The following NDUFS2 variants were observed in gnomAD, a reference collection of about 807,000 sequenced individuals.
The protein encoded by NDUFS2 is NADH dehydrogenase [ubiquinone] iron-sulfur protein 2, mitochondrial.
A neutral mutation model predicts 69.6 loss-of-function variants in NDUFS2; 38 were observed. That is an observed-to-expected ratio of 0.55 (90% CI 0.42 to 0.72). NDUFS2 has a LOEUF of 0.72. NDUFS2 is among the 30% of genes least tolerant of loss of function. NDUFS2 has a pLI of 0.00. For synonymous variants in NDUFS2, 194 were observed against 211.2 expected (o/e 0.92, Z 0.70); for missense variants, 468 against 595.0 (o/e 0.79, Z 2.22).
upstream of NDUFS2, among the ~76,000 whole-genome samples, chr1:161,201,686 C>A (rs563239287): frequency 6.6e-5 from 10 of 152,270 alleles, no homozygotes; most frequent in Middle Eastern, 3.4e-3. Context: ...GTTCGGGAAG[C>A]CTGGAGGATG....
intron 5 of NDUFS2, 70 bp from the exon 6 acceptor site, chr1:161,209,786 TG>T: frequency 6.5e-7 from 1 of 1,528,534 alleles, no homozygotes; most frequent in Non-Finnish European, 9.0e-7. Context: ...AGGCAGAAAG[TG>T]GGGGAGTAGG....
intron 11 of NDUFS2, 33 bp downstream of exon 11, chr1:161,213,508 G>A (rs1665886224): frequency 5.8e-6 from 9 of 1,564,226 alleles, no homozygotes; most frequent in Non-Finnish European, 7.9e-6. Flanking sequence ...AAGACCATAT[G>A]TAGAGTAGGT....
chr1:161,204,675 CCAAA>C (rs1245258865), intron 2 of NDUFS2, among the ~76,000 whole-genome samples: 1 of 152,176 alleles, frequency 6.6e-6, no homozygotes, highest in Non-Finnish European at 1.5e-5. Context: ...TTACCATTTG[CCAAA>C]CATTTTCGTA....
At position 161,203,561 on chromosome 1, in the gene NDUFS2, C is replaced by G. The variant is rs1571602754; in HGVS notation, c.202+18C>G. 1 of 1,590,348 alleles carries G rather than the reference C, an allele frequency of 6.3e-7. No individual in the cohort carries two copies. The highest frequency in any genetic ancestry group is 2.2e-5 in the East Asian group (1 of 44,748). On this transcript the variant is annotated intron_variant, in intron 2 of 13. Transcript: ENST00000676972. ...TTGGAATGGTGAGTGACCAGAGTTG[C>G]TGTCCCAACCCACACCCATCCCTGC...
rs1448009501 is a variant in NDUFS2 at position 161,213,941 on chromosome 1, G to A, written c.1354+20G>A. The A allele has an allele frequency of 6.2e-7, 1 of 1,614,204 alleles. No homozygotes were observed. The highest frequency in any genetic ancestry group is 1.3e-5 in the African/African-American group (1 of 75,040). Reference sequence around the variant, plus strand: ...TCATAGGTACGAGGCCTATTGTGTAGTAGAGGTATCCTAGACAAAGGAGTT... The same window carrying A: ...TCATAGGTACGAGGCCTATTGTGTAATAGAGGTATCCTAGACAAAGGAGTT... On this transcript the variant is annotated intron_variant, in intron 13 of 13. Coordinates refer to ENST00000676972, the MANE Select transcript of NDUFS2 (RefSeq NM_001377299.1).
chr1:161,198,070 A>G, upstream of NDUFS2: 1 of 1,610,794 alleles, frequency 6.2e-7, no homozygotes, highest in Non-Finnish European at 8.5e-7. The surrounding 1 kb of genome is among the most constrained non-coding windows in gnomAD (Gnocchi z 4.7). Context: ...GACCGCTGGC[A>G]GGACTCTTCC....
In NDUFS2 at chr1:161,207,755, A is replaced by C. The variant is rs74627349; in HGVS notation, c.393+1158A>C. ...AAAAAAAAAAAGATTAAAAAAAAAA[A>C]CCCTCCCAGATACTCTTAAGACTGA... On this transcript the variant is annotated intron_variant, in intron 3 of 13. Coordinates refer to ENST00000676972, the MANE Select transcript of NDUFS2 (RefSeq NM_001377299.1). Among the ~76,000 whole-genome samples the C allele has an allele frequency of 4.6e-5, 7 of 150,750 alleles. No individual in the cohort carries two copies. The East Asian group carries it at 1.4e-3, about 30-fold the overall frequency.
chr1:161,203,361 C>G, intron 1 of NDUFS2, 76 bp from the exon 2 acceptor site: 1 of 1,274,700 alleles, frequency 7.8e-7, no homozygotes, highest in Admixed American at 1.7e-5. Context: ...TCCTGGGTCC[C>G]CTTGAGAGTG....
intron 3 of NDUFS2, among the ~76,000 whole-genome samples, chr1:161,208,895 G>T (rs1665619925): frequency 6.6e-6 from 1 of 152,290 alleles, no homozygotes; most frequent in East Asian, 1.9e-4. Flanking sequence ...TCCCAATGCT[G>T]CATTCAGTTA....
chr1:161,203,399 T>C, intron 1 of NDUFS2, 38 bp from the exon 2 acceptor site: 1 of 1,555,162 alleles, frequency 6.4e-7, no homozygotes, highest in Non-Finnish European at 8.9e-7. Context: ...CAAACACTGT[T>C]CAGGCCCTTT....
intron 2 of NDUFS2, among the ~76,000 whole-genome samples, chr1:161,206,163 C>T (rs1270757276): frequency 6.7e-6 from 1 of 149,238 alleles, no homozygotes; most frequent in African/African-American, 2.5e-5. Flanking sequence ...GACTATGAAC[C>T]ATGAAAAAAA....
rs1306812171 is a variant in NDUFS2, at chr1:161,213,477, T to C, written c.1212+2T>C. Reference sequence around the variant, plus strand: ...TATACTGCCATTGAGGCTCCCAAGGTAAGGAGAGGAGGGGAAGGAAAAGAC... The same window carrying C: ...TATACTGCCATTGAGGCTCCCAAGGCAAGGAGAGGAGGGGAAGGAAAAGAC... On this transcript the variant is annotated splice_donor_variant, in intron 11 of 13. Coordinates refer to ENST00000676972, the MANE Select transcript of NDUFS2 (RefSeq NM_001377299.1). LOFTEE classifies it high-confidence loss of function. 1 of 1,607,920 alleles carries C rather than the reference T, an allele frequency of 6.2e-7. No homozygotes were observed. The highest frequency in any genetic ancestry group is 8.5e-7 in the Non-Finnish European group (1 of 1,175,898).
upstream of NDUFS2, chr1:161,198,327 C>T (rs780073534): frequency 7.4e-6 from 12 of 1,613,202 alleles, no homozygotes; most frequent in East Asian, 4.5e-5. The surrounding 1 kb of genome is among the most constrained non-coding windows in gnomAD (Gnocchi z 4.7). Flanking sequence ...ACCTGCACAC[C>T]GGAGTCCTGC....
In NDUFS2 at chr1:161,214,375, C is replaced by G. The variant is rs909854596; in HGVS notation, c.*182C>G. On this transcript the variant is annotated 3_prime_UTR_variant, in exon 14 of 14. Coordinates refer to ENST00000676972, the MANE Select transcript of NDUFS2 (RefSeq NM_001377299.1). ...GGAGAAATTATAATAAATTAGCCGT[C>G]TTGCGGCCCCTAGGCCTAAACTTCT... 1 of 670,538 alleles carries G rather than the reference C, an allele frequency of 1.5e-6. No individual in the cohort carries two copies. Among genetic ancestry groups the G allele is most frequent in the African/African-American group, 1.8e-5 (1 of 55,586 alleles). The allele number at this position is 670,538 out of a possible 1,614,324, so 41.5% of individuals were successfully genotyped here. A position where few individuals can be genotyped will look rare whatever the true frequency, so the allele number is the denominator to read the frequency against.
chr1:161,209,030 T>C (rs1431619389), intron 3 of NDUFS2, among the ~76,000 whole-genome samples, 163 bp from the exon 4 acceptor site: 1 of 152,178 alleles, frequency 6.6e-6, no homozygotes, highest in African/African-American at 2.4e-5. Flanking sequence ...ACTAGAATAC[T>C]ACTGGTTTTT....
Position 161,206,584 on chromosome 1 carries a change from A to G in NDUFS2, c.380A>G (p.Lys127Arg). ...HRGTEKLIEY[K>R]TYLQALPYFD... The stretch of plus-strand genomic sequence containing the variant: ...GGCACTGAGAAGCTCATTGAATACA[A>G]GACCTATCTTCAGGTGTGGGGGGTG... The change falls in exon 3 of 14, where the codon AAG (lysine) becomes AGG (arginine). Residue 127 changes from lysine to arginine, a missense_variant. Lys to Arg is a conservative substitution (Grantham distance 26). Coordinates refer to ENST00000676972, the MANE Select transcript of NDUFS2 (RefSeq NM_001377299.1). 6.2e-7 allele frequency: 1 copy of G among 1,613,610 alleles called. No individual in the cohort carries two copies. The highest frequency in any genetic ancestry group is 8.5e-7 in the Non-Finnish European group (1 of 1,180,012).
At chr1:161,198,798 G>A (rs1423359055), upstream of NDUFS2, 2 of 619,256 alleles carry the variant, frequency 3.2e-6, no homozygotes, top group Non-Finnish European at 5.3e-6. This position sits in a 1 kb window ranked among gnomAD's most constrained non-coding sequence, Gnocchi z 4.7. Context: ...AGAAAACTTA[G>A]TCCTTGGGCT....
chr1:161,202,506 C>G, intron 1 of NDUFS2, 26 bp downstream of exon 1: 1 of 1,592,962 alleles, frequency 6.3e-7, no homozygotes, highest in East Asian at 2.3e-5. Context: ...GCTCTCGACA[C>G]ACTTTCTCCA....
chr1:161,202,230 G>T, upstream of NDUFS2: 1 of 730,710 alleles, frequency 1.4e-6, no homozygotes. Flanking sequence ...GTGAAGCCGA[G>T]TCACAGGACC....
Sources: allele counts gnomAD v4.1 joint callset (sites outside exome capture counted in the v4.1 genomes callset), GRCh38; gene constraint gnomAD v4.1.1; non-coding constraint Gnocchi (gnomAD v3.1); transcripts MANE v1.5; gene names NCBI Gene and HGNC (gene_info 2026-07-23, HGNC 2026-07-21).